SIGLEC5: variants seen among roughly 807,000 people sequenced by gnomAD.
SIGLEC5 encodes the protein sialic acid-binding Ig-like lectin 5.
Under a neutral mutation model 45.9 loss-of-function variants are expected in SIGLEC5, and 34 were observed. The observed-to-expected ratio is 0.74, with a 90% CI of 0.56 to 0.99. SIGLEC5 has a LOEUF of 0.99. SIGLEC5 is among the 50% of genes least tolerant of loss of function. SIGLEC5 has a pLI of 0.00. For synonymous variants in SIGLEC5, 203 were observed against 258.6 expected, an observed-to-expected ratio of 0.79 and a Z score of 2.06; for missense variants, 508 against 629.6, an observed-to-expected ratio of 0.81 and a Z score of 2.07.
chr19:51,625,083 A>G (rs1424239754), intron 8 of SIGLEC5, among the ~76,000 whole-genome samples: 1 of 152,160 alleles, frequency 6.6e-6, no homozygotes, highest in Non-Finnish European at 1.5e-5. Flanking sequence ...ACAGAAGAGA[A>G]GGGGCAGATA....
At chr19:51,620,074 T>TATATATATAA (rs201927980) in intron 8 of SIGLEC5, among the ~76,000 whole-genome samples, 1 of 151,110 alleles carries the variant, frequency 6.6e-6, no homozygotes, top group East Asian at 1.9e-4. Flanking sequence ...TATATATATA[T>TATATATATAA]AACTTAGGTG....
chr19:51,613,707 T>A (rs994823498), intron 8 of SIGLEC5, among the ~76,000 whole-genome samples: 1 of 152,164 alleles, frequency 6.6e-6, no homozygotes, highest in Non-Finnish European at 1.5e-5. Flanking sequence ...GATATTCTAA[T>A]TATCCCCACC....
At chr19:51,621,181 ATGGG>A (rs1461854220) in intron 8 of SIGLEC5, 1 of 152,190 alleles carries the variant, frequency 6.6e-6, no homozygotes, top group Non-Finnish European at 1.5e-5. Context: ...CCCAGAGGAG[ATGGG>A]TGTCACTATG....
In SIGLEC5 at chr19:51,629,062, TG is replaced by T. The variant is rs1241466712; in HGVS notation, c.714del (p.Ile239SerfsTer8). On this transcript the variant is annotated frameshift_variant, in exon 4 of 9. Coordinates refer to ENST00000683636, the MANE Select transcript of SIGLEC5 (RefSeq NM_003830.4). LOFTEE classifies it high-confidence loss of function. The part of the protein sequence containing the change: ...VQLNVSYAPQ[T>X]ITIFRNGIAL... The stretch of plus-strand genomic sequence containing the variant: ...CCTATGCCGTTCCTGAAGATGGTGA[TG>T]GTCTGTGGAGCATCTGGGATAAAAA... 6.2e-7 allele frequency: 1 copy of T among 1,613,924 alleles called. No homozygotes were observed. The highest frequency in any genetic ancestry group is 1.7e-5 in the Admixed American group (1 of 59,990).
chr19:51,627,333 C>A, intron 6 of SIGLEC5, 85 bp from the exon 7 acceptor site: 1 of 1,541,532 alleles, frequency 6.5e-7, no homozygotes, highest in Non-Finnish European at 8.9e-7. Flanking sequence ...GCTCCAGGGC[C>A]CTGCTCAGAC....
intron 8 of SIGLEC5, among the ~76,000 whole-genome samples, chr19:51,614,812 C>T (rs888899915): frequency 7.2e-5 from 11 of 152,178 alleles, no homozygotes; most frequent in African/African-American, 2.7e-4. Flanking sequence ...AATACCTCCC[C>T]GTCATGCAGT....
At chr19:51,620,003 C>T (rs1210877946) in intron 8 of SIGLEC5, among the ~76,000 whole-genome samples, 3 of 150,986 alleles carry the variant, frequency 2.0e-5, no homozygotes, top group Non-Finnish European at 4.4e-5. Flanking sequence ...GAAGTAATCT[C>T]GACAAAAACA....
intron 8 of SIGLEC5, among the ~76,000 whole-genome samples, chr19:51,614,626 G>A (rs878856333): frequency 2.6e-5 from 4 of 152,108 alleles, no homozygotes; most frequent in Non-Finnish European, 2.9e-5. Flanking sequence ...ATAGGTGTGC[G>A]GTATATGAAA....
intron 8 of SIGLEC5, chr19:51,621,629 A>G (rs1413737492): frequency 2.0e-5 from 3 of 152,256 alleles, no homozygotes; most frequent in African/African-American, 7.2e-5. Context: ...ACAGTTAAAA[A>G]TAGGAATATC....
chr19:51,624,227 T>A (rs554010612), intron 8 of SIGLEC5, among the ~76,000 whole-genome samples: 9 of 152,272 alleles, frequency 5.9e-5, no homozygotes, highest in African/African-American at 2.2e-4. Context: ...GAATGAATCA[T>A]AATACAATGT....
At chr19:51,627,110 C>T (rs376774452) in intron 7 of SIGLEC5, 39 bp downstream of exon 7, 24 of 1,535,782 alleles carry the variant, frequency 1.6e-5, no homozygotes, top group Middle Eastern at 3.4e-4. Context: ...CTACTCCCTA[C>T]AAACACCACC....
At chr19:51,625,780 A>G (rs1340413738) in intron 8 of SIGLEC5, among the ~76,000 whole-genome samples, 3 of 152,224 alleles carry the variant, frequency 2.0e-5, no homozygotes, top group Non-Finnish European at 4.4e-5. Context: ...CAGTGAGCCA[A>G]GATCGCACCA....
intron 4 of SIGLEC5, 39 bp from the exon 5 acceptor site, chr19:51,628,130 A>C: frequency 6.7e-7 from 1 of 1,493,940 alleles, no homozygotes; most frequent in Non-Finnish European, 8.9e-7. Flanking sequence ...AGATGGGGCC[A>C]GGGAGGCTGA....
chr19:51,623,576 C>T (rs1256470095), intron 8 of SIGLEC5, among the ~76,000 whole-genome samples: 1 of 152,046 alleles, frequency 6.6e-6, no homozygotes, highest in Non-Finnish European at 1.5e-5. Flanking sequence ...AAATGCAAAT[C>T]AATACCATAG....
At chr19:51,625,869 A>G (rs549264201) in intron 8 of SIGLEC5, among the ~76,000 whole-genome samples, 163 bp downstream of exon 8, 1 of 152,214 alleles carries the variant, frequency 6.6e-6, no homozygotes, top group East Asian at 1.9e-4. Flanking sequence ...AAGAAGGTTG[A>G]ATGGGACATA....
intron 8 of SIGLEC5, chr19:51,621,294 A>G (rs148612704): frequency 6.6e-6 from 1 of 152,214 alleles, no homozygotes; most frequent in African/African-American, 2.4e-5. Flanking sequence ...TGTGTTGCCA[A>G]ATGGTGGGGA....
chr19:51,616,029 G>A (rs1466853679), intron 8 of SIGLEC5, among the ~76,000 whole-genome samples: 1 of 152,178 alleles, frequency 6.6e-6, no homozygotes, highest in East Asian at 1.9e-4. Context: ...GCCCACCTCG[G>A]CCTCCCAAAG....
At chr19:51,622,680 T>C (rs1236203590) in intron 8 of SIGLEC5, among the ~76,000 whole-genome samples, 1 of 152,112 alleles carries the variant, frequency 6.6e-6, no homozygotes, top group Non-Finnish European at 1.5e-5. Flanking sequence ...TGTTGCTCAA[T>C]GGAGAAGGGA....
chr19:51,628,142 A>C lies in SIGLEC5; in HGVS notation c.740-51T>G, dbSNP rs377385749. On this transcript the variant is annotated intron_variant, in intron 4 of 8. Coordinates refer to ENST00000683636, the MANE Select transcript of SIGLEC5 (RefSeq NM_003830.4). ...GAGAGATGGGGCCAGGGAGGCTGAC[A>C]GTCCCTATCCTTCCCTCCTTCCCAG... The C allele has an allele frequency of 3.6e-5, 53 of 1,481,564 alleles. No individual in the cohort carries two copies. In the African/African-American group the frequency reaches 6.8e-4, roughly 19 times the overall value. The allele number at this position is 1,481,564 out of a possible 1,614,324, so 91.8% of individuals were successfully genotyped here.
Sources: gnomAD v4.1 joint callset for allele counts (sites outside exome capture counted in the v4.1 genomes callset) on GRCh38, gnomAD v4.1.1 for gene constraint, MANE v1.5 for transcripts, NCBI Gene and HGNC (gene_info 2026-07-23, HGNC 2026-07-21) for gene names.